Variants in OSTN observed in about 807,000 individuals in gnomAD.
OSTN encodes the protein osteocrin.
Under a neutral mutation model 12.0 loss-of-function variants are expected in OSTN, and 9 were observed. The observed-to-expected ratio is 0.75, with a 90% CI of 0.45 to 1.30. The LOEUF is 1.30. Ranked by LOEUF, OSTN falls within the 50% of genes most tolerant of loss-of-function variation. OSTN has a pLI of 0.00. For missense variants in OSTN, 148 were observed against 152.3 expected (o/e 0.97, Z 0.15); for synonymous variants, 59 against 56.9 (o/e 1.04, Z -0.16).
At chr3:191,218,635 A>C in intron 2 of OSTN, 112 bp from the exon 3 acceptor site, 1 of 833,748 alleles carries the variant, frequency 1.2e-6, no homozygotes, top group Non-Finnish European at 1.9e-6. Flanking sequence ...AAAAAATTGT[A>C]AGATGTTACA....
At chr3:191,204,180 G>A (rs1714217943) in intron 1 of OSTN, among the ~76,000 whole-genome samples, 1 of 152,112 alleles carries the variant, frequency 6.6e-6, no homozygotes, top group South Asian at 2.1e-4. Context: ...GTGAGCCACC[G>A]TGCCCAGCTG....
At chr3:191,214,237 C>G (rs1434838118) in intron 2 of OSTN, among the ~76,000 whole-genome samples, 1 of 151,864 alleles carries the variant, frequency 6.6e-6, no homozygotes, top group Non-Finnish European at 1.5e-5. Context: ...GACCAGAGGT[C>G]AAGAGTTGGA....
At chr3:191,215,018 A>G (rs1714571527) in intron 2 of OSTN, among the ~76,000 whole-genome samples, 1 of 152,196 alleles carries the variant, frequency 6.6e-6, no homozygotes, top group Non-Finnish European at 1.5e-5. Flanking sequence ...TCTCAAAACA[A>G]CACAACAAAA....
chr3:191,249,003 G>A (rs181103180), intron 3 of OSTN, among the ~76,000 whole-genome samples: 67 of 152,220 alleles, frequency 4.4e-4, no homozygotes, highest in African/African-American at 1.6e-3. Flanking sequence ...GCAATGTTCT[G>A]TTTCTTGGTC....
chr3:191,213,797 A>T (rs376508444), intron 2 of OSTN, among the ~76,000 whole-genome samples: 1 of 152,008 alleles, frequency 6.6e-6, no homozygotes, highest in East Asian at 1.9e-4. Flanking sequence ...GATGTTTCTT[A>T]AAAAAACGAT....
At chr3:191,261,019 C>G (rs899684204) in intron 4 of OSTN, among the ~76,000 whole-genome samples, 1 of 151,918 alleles carries the variant, frequency 6.6e-6, no homozygotes, top group African/African-American at 2.4e-5. Flanking sequence ...GATCAGATTA[C>G]AGAGAGAGAG....
chr3:191,237,508 G>A (rs1032532557), intron 3 of OSTN, among the ~76,000 whole-genome samples: 9 of 152,198 alleles, frequency 5.9e-5, no homozygotes, highest in African/African-American at 9.6e-5. Context: ...AGAAGGCCAA[G>A]CAGGCATCTT....
intron 3 of OSTN, among the ~76,000 whole-genome samples, chr3:191,234,253 G>T (rs555836604): frequency 3.3e-4 from 50 of 152,250 alleles, no homozygotes; most frequent in African/African-American, 1.0e-3. Flanking sequence ...AAAATTTGAG[G>T]AGGGTTTTTT....
At chr3:191,216,356 T>C (rs1291380562) in intron 2 of OSTN, among the ~76,000 whole-genome samples, 2 of 152,350 alleles carry the variant, frequency 1.3e-5, no homozygotes, top group Middle Eastern at 3.4e-3. Context: ...TGACATGCCA[T>C]GGAGACATTT....
intron 4 of OSTN, among the ~76,000 whole-genome samples, chr3:191,262,173 G>A (rs1249013641): frequency 2.0e-5 from 3 of 152,076 alleles, no homozygotes; most frequent in African/African-American, 4.8e-5. Context: ...AGCTGAGGTC[G>A]CGCACCATTG....
intron 4 of OSTN, among the ~76,000 whole-genome samples, chr3:191,250,697 A>T (rs1438812751): frequency 2.0e-5 from 3 of 152,174 alleles, no homozygotes; most frequent in Non-Finnish European, 4.4e-5. Context: ...TGTACATTTA[A>T]ATAATAATGT....
chr3:191,242,996 C>T (rs1715355020), intron 3 of OSTN, among the ~76,000 whole-genome samples: 1 of 151,724 alleles, frequency 6.6e-6, no homozygotes, highest in Non-Finnish European at 1.5e-5. Flanking sequence ...AAACAGGCAG[C>T]AGATTCAAAC....
At chr3:191,226,139 T>TA (rs1465784139) in intron 3 of OSTN, among the ~76,000 whole-genome samples, 1 of 152,122 alleles carries the variant, frequency 6.6e-6, no homozygotes, top group Non-Finnish European at 1.5e-5. Flanking sequence ...AAGTCATAGA[T>TA]AAAATGTTAG....
At chr3:191,262,181 T>C (rs1715828219) in intron 4 of OSTN, among the ~76,000 whole-genome samples, 1 of 152,062 alleles carries the variant, frequency 6.6e-6, no homozygotes, top group Admixed American at 6.6e-5. Flanking sequence ...TCGCGCACCA[T>C]TGCACTCCAG....
At chr3:191,256,107 G>T (rs887546499) in intron 4 of OSTN, among the ~76,000 whole-genome samples, 3 of 151,866 alleles carry the variant, frequency 2.0e-5, no homozygotes, top group African/African-American at 7.3e-5. Flanking sequence ...AAAGAAAATT[G>T]ACAAGAAAAA....
chr3:191,218,601 C>A, intron 2 of OSTN, 146 bp from the exon 3 acceptor site: 1 of 649,942 alleles, frequency 1.5e-6, no homozygotes, highest in Non-Finnish European at 2.6e-6. Flanking sequence ...CCAACCTTGA[C>A]AACAAGCACA....
intron 4 of OSTN, among the ~76,000 whole-genome samples, chr3:191,261,019 C>CAG (rs1006768864): frequency 6.6e-6 from 1 of 151,918 alleles, no homozygotes; most frequent in Non-Finnish European, 1.5e-5. Flanking sequence ...GATCAGATTA[C>CAG]AGAGAGAGAG....
intron 3 of OSTN, among the ~76,000 whole-genome samples, chr3:191,237,449 G>A (rs556240387): frequency 2.5e-4 from 38 of 152,326 alleles, no homozygotes; most frequent in African/African-American, 8.4e-4. Context: ...TGGGGTGGAA[G>A]TTTATTAAAA....
At chr3:191,202,862 C>A (rs537407213) in intron 1 of OSTN, among the ~76,000 whole-genome samples, 119 of 152,158 alleles carry the variant, frequency 7.8e-4, no homozygotes, top group African/African-American at 2.7e-3. Flanking sequence ...ACAGAATTGC[C>A]TACAATTATA....
Sources: allele counts gnomAD v4.1 joint callset (sites outside exome capture counted in the v4.1 genomes callset), GRCh38; gene constraint gnomAD v4.1.1; transcripts MANE v1.5; gene names NCBI Gene and HGNC (gene_info 2026-07-23, HGNC 2026-07-21).